Variants in CCNY observed in about 807,000 individuals in gnomAD.
CCNY encodes the protein cyclin-Y.
Under a neutral mutation model 42.8 loss-of-function variants are expected in CCNY, and 19 were observed. The observed-to-expected ratio is 0.44, with a 90% CI of 0.31 to 0.65. The LOEUF (loss-of-function observed/expected upper bound fraction) is 0.65. Among genes scored for constraint, CCNY ranks in the 30% least tolerant of loss-of-function variants. The pLI, the probability that CCNY is intolerant of heterozygous loss-of-function variation, is 0.07. For missense variants in CCNY, 370 were observed against 437.3 expected (o/e 0.85, Z 1.37); for synonymous variants, 165 against 162.7 (o/e 1.01, Z -0.11).
intron 1 of CCNY, among the ~76,000 whole-genome samples, chr10:35,444,076 T>A (rs1480430160): frequency 6.6e-6 from 1 of 152,190 alleles, no homozygotes; most frequent in Non-Finnish European, 1.5e-5. Context: ...TGCTGAGAGA[T>A]CCTTTGTCTT....
intron 1 of CCNY, among the ~76,000 whole-genome samples, chr10:35,342,107 C>T (rs1324259252): frequency 6.6e-6 from 1 of 152,136 alleles, no homozygotes; most frequent in Non-Finnish European, 1.5e-5. Context: ...CTAGAAGCCT[C>T]AGGGACTCAT....
At chr10:35,486,031 G>A (rs1008731438) in intron 2 of CCNY, among the ~76,000 whole-genome samples, 7 of 152,158 alleles carry the variant, frequency 4.6e-5, no homozygotes, top group East Asian at 3.9e-4. Context: ...CAAAACCCAC[G>A]TATTCAGCTG....
intron 1 of CCNY, among the ~76,000 whole-genome samples, chr10:35,463,961 G>A (rs538181342): frequency 1.3e-5 from 2 of 152,206 alleles, no homozygotes; most frequent in Admixed American, 1.3e-4. Context: ...CAGAGAAGGT[G>A]CAGGAAGCTG....
chr10:35,299,037 C>T (rs1835503886), intron 3 of CCNY, among the ~76,000 whole-genome samples: 1 of 152,192 alleles, frequency 6.6e-6, no homozygotes, highest in Non-Finnish European at 1.5e-5. Flanking sequence ...AAACTGACAA[C>T]TGTTTTCAAA....
intron 3 of CCNY, among the ~76,000 whole-genome samples, chr10:35,259,106 A>G (rs142541648): frequency 4.3e-4 from 66 of 152,258 alleles, no homozygotes; most frequent in Middle Eastern, 6.8e-3. Flanking sequence ...CCAGAGTTCT[A>G]AAACAGTTAT....
chr10:35,555,734 G>A (rs1011102193), intron 8 of CCNY, among the ~76,000 whole-genome samples: 1 of 152,136 alleles, frequency 6.6e-6, no homozygotes, highest in African/African-American at 2.4e-5. Flanking sequence ...ACTGTTTTTT[G>A]TAAGTCAACT....
chr10:35,517,959 G>T (rs958414916), intron 4 of CCNY, among the ~76,000 whole-genome samples: 3 of 152,236 alleles, frequency 2.0e-5, no homozygotes, highest in African/African-American at 7.2e-5. Context: ...CCACATGACT[G>T]TTGGCTTCTG....
At chr10:35,304,294 ATTTTTTTTTTTTTTTTAT>A (rs1835577689) in intron 3 of CCNY, among the ~76,000 whole-genome samples, 1 of 110,926 alleles carries the variant, frequency 9.0e-6, no homozygotes, top group South Asian at 3.0e-4. Flanking sequence ...TTCTCCTTTT[ATTTTTTTTTTTTTTTTAT>A]TTTTTATTTT....
chr10:35,286,983 C>G (rs931355287), intron 3 of CCNY, among the ~76,000 whole-genome samples: 2 of 152,300 alleles, frequency 1.3e-5, no homozygotes, highest in African/African-American at 4.8e-5. Context: ...TGTCCTTTCT[C>G]TATCAAAAAG....
In CCNY at chr10:35,553,192, TGGG is replaced by T. The variant is rs1279975781; in HGVS notation, c.746+11_746+13del. ...ACATCACGGTGGAGGACATGTGAGT[TGGG>T]GGGCAGAGGGTGTTGGTCATCAGAG... On this transcript the variant is annotated splice_region_variant and intron_variant, in intron 8 of 9. Transcript: ENST00000374704. 4 of 1,612,866 alleles carry T rather than the reference TGGG, an allele frequency of 2.5e-6. No homozygotes were observed. Among genetic ancestry groups the T allele is most frequent in the East Asian group, 4.5e-5 (2 of 44,848 alleles).
At chr10:35,414,054 C>T (rs1031989154) in intron 1 of CCNY, among the ~76,000 whole-genome samples, 4 of 152,168 alleles carry the variant, frequency 2.6e-5, no homozygotes, top group African/African-American at 7.2e-5. Context: ...TTTTTCTAGG[C>T]TAAAAAATAG....
At chr10:35,296,959 CA>C (rs1835477965) in intron 3 of CCNY, among the ~76,000 whole-genome samples, 1 of 151,874 alleles carries the variant, frequency 6.6e-6, no homozygotes, top group Non-Finnish European at 1.5e-5. Flanking sequence ...TTTATGAGGC[CA>C]GTGTCATCCT....
chr10:35,363,472 G>T (rs183941518), intron 1 of CCNY, among the ~76,000 whole-genome samples: 1 of 152,214 alleles, frequency 6.6e-6, no homozygotes, highest in Admixed American at 6.5e-5. Flanking sequence ...CGGTGGGGCG[G>T]CCTGGTAGAG....
At chr10:35,461,712 T>C (rs1235339858) in intron 1 of CCNY, among the ~76,000 whole-genome samples, 1 of 152,174 alleles carries the variant, frequency 6.6e-6, no homozygotes, top group Admixed American at 6.5e-5. Flanking sequence ...CAAGGTCTCT[T>C]TTGCTGCCCT....
intron 3 of CCNY, among the ~76,000 whole-genome samples, chr10:35,287,084 A>G (rs1228976295): frequency 6.6e-6 from 1 of 152,196 alleles, no homozygotes; most frequent in Admixed American, 6.5e-5. Flanking sequence ...AGTGTTTTTT[A>G]TGTAGAACTT....
intron 2 of CCNY, among the ~76,000 whole-genome samples, chr10:35,248,570 T>C (rs772663962): frequency 2.6e-5 from 4 of 152,040 alleles, no homozygotes; most frequent in African/African-American, 4.8e-5. Context: ...TGCTTGAACC[T>C]GGGAGGAGGA....
At chr10:35,509,663 C>T (rs997956688) in intron 3 of CCNY, among the ~76,000 whole-genome samples, 1 of 152,058 alleles carries the variant, frequency 6.6e-6, no homozygotes, top group Non-Finnish European at 1.5e-5. Flanking sequence ...TGCTTTTTGT[C>T]TTTGTGTCTC....
intron 5 of CCNY, among the ~76,000 whole-genome samples, chr10:35,526,872 A>G (rs2135419670): frequency 1.3e-5 from 2 of 152,280 alleles, no homozygotes; most frequent in South Asian, 4.1e-4. Context: ...TTCATGCATA[A>G]TGTGACATTC....
At chr10:35,540,657 C>G (rs1395021716) in intron 7 of CCNY, among the ~76,000 whole-genome samples, 4 of 151,020 alleles carry the variant, frequency 2.6e-5, no homozygotes, top group African/African-American at 7.3e-5. Flanking sequence ...CAGGGTTTTT[C>G]TCTGTTGGAA....
Sources: gnomAD v4.1 joint callset for allele counts (sites outside exome capture counted in the v4.1 genomes callset) on GRCh38, gnomAD v4.1.1 for gene constraint, MANE v1.5 for transcripts, NCBI Gene and HGNC (gene_info 2026-07-23, HGNC 2026-07-21) for gene names.